PSD3: variants seen among roughly 807,000 people sequenced by gnomAD.
The protein encoded by PSD3 is PH and SEC7 domain-containing protein 3.
A neutral mutation model predicts 105.5 loss-of-function variants in PSD3; 49 were observed. The observed-to-expected ratio is 0.46, with a 90% confidence interval of 0.37 to 0.59. PSD3 has a LOEUF of 0.59. Ranked by LOEUF, PSD3 falls within the 20% of genes least tolerant of loss-of-function variation. The probability of loss-of-function intolerance (pLI) is 0.00; values close to 1 mark genes in which losing one functional copy is unlikely to be tolerated. For synonymous variants in PSD3, 557 were observed against 457.8 expected, an observed-to-expected ratio of 1.22 and a Z score of -2.77; for missense variants, 1,561 against 1,263.8, an observed-to-expected ratio of 1.24 and a Z score of -3.57.
rs10109054 is a variant in PSD3 at position 18,642,250 on chromosome 8, G to T, written c.2217-9444C>A. Among the ~76,000 whole-genome samples, 1,326 of 152,152 alleles carry T rather than the reference G, an allele frequency of 8.7e-3. 21 individuals carry two copies. The highest frequency in any genetic ancestry group is 0.031 in the African/African-American group (1,281 of 41,514). ...AGCCACATGTTAGGTATTCCCAAAA[G>T]ATCTATTGGAAAATTTTTAAGGGGC... On this transcript the variant is annotated intron_variant, in intron 10 of 15. Transcript: ENST00000327040.
At chr8:18,713,911 T>C (rs1464020947) in intron 9 of PSD3, among the ~76,000 whole-genome samples, 2 of 152,168 alleles carry the variant, frequency 1.3e-5, no homozygotes, top group Admixed American at 6.5e-5. Flanking sequence ...CAAAACAGTA[T>C]GGTACTGGTA....
intron 12 of PSD3, among the ~76,000 whole-genome samples, chr8:18,594,162 A>ATATATATATTATATAATATATATTAT: frequency 2.5e-5 from 1 of 39,544 alleles, no homozygotes; most frequent in Admixed American, 4.1e-4. Context: ...ATATATTATT[A>ATATATATATTATATAATATATATTAT]TATACATATT....
intron 14 of PSD3, among the ~76,000 whole-genome samples, chr8:18,561,474 G>A (rs1393827711): frequency 6.6e-6 from 1 of 152,050 alleles, no homozygotes; most frequent in African/African-American, 2.4e-5. Flanking sequence ...TGGGGGCAAG[G>A]GACTGGGGAC....
At chr8:18,970,352 A>G (rs1393520173) in intron 1 of PSD3, among the ~76,000 whole-genome samples, 2 of 148,918 alleles carry the variant, frequency 1.3e-5, no homozygotes, top group African/African-American at 2.5e-5. Context: ...AAAAAAACAA[A>G]GAAAAGAAAA....
chr8:18,638,594 C>A (rs1016779016), intron 10 of PSD3, among the ~76,000 whole-genome samples: 4 of 151,906 alleles, frequency 2.6e-5, no homozygotes, highest in South Asian at 2.1e-4. Flanking sequence ...AGGTGAAGAT[C>A]TGTGTACTGA....
intron 4 of PSD3, among the ~76,000 whole-genome samples, chr8:18,832,205 T>C (rs1008058993): frequency 6.6e-6 from 1 of 152,176 alleles, no homozygotes; most frequent in East Asian, 1.9e-4. Flanking sequence ...GCCCAGTGGA[T>C]GTATCACTGC....
At chr8:18,863,566 A>G (rs938589417) in intron 4 of PSD3, among the ~76,000 whole-genome samples, 5 of 152,190 alleles carry the variant, frequency 3.3e-5, no homozygotes, top group African/African-American at 1.2e-4. Flanking sequence ...GGGAGAATGC[A>G]TTAGGCTGGT....
intron 2 of PSD3, among the ~76,000 whole-genome samples, chr8:18,904,742 T>A (rs1819731255): frequency 6.6e-6 from 1 of 152,218 alleles, no homozygotes; most frequent in South Asian, 2.1e-4. Flanking sequence ...TACCTTAACC[T>A]TTCTGGGCCA....
At chr8:18,782,589 G>C (rs987485086) in intron 8 of PSD3, among the ~76,000 whole-genome samples, 1 of 152,184 alleles carries the variant, frequency 6.6e-6, no homozygotes, top group South Asian at 2.1e-4. Context: ...GCAGGATCTC[G>C]GTCAACACAC....
chr8:18,851,557 C>T (rs992264530), intron 4 of PSD3, among the ~76,000 whole-genome samples: 6 of 152,244 alleles, frequency 3.9e-5, no homozygotes, highest in African/African-American at 1.4e-4. Context: ...GGGTTAATCA[C>T]ATGTCCCACA....
intron 4 of PSD3, among the ~76,000 whole-genome samples, chr8:18,823,637 C>A (rs1812926928): frequency 6.6e-6 from 1 of 152,174 alleles, no homozygotes; most frequent in Non-Finnish European, 1.5e-5. Context: ...CTGTCACATG[C>A]TAGTCACTCC....
At chr8:18,953,197 A>C (rs926063722) in intron 1 of PSD3, among the ~76,000 whole-genome samples, 21 of 152,228 alleles carry the variant, frequency 1.4e-4, no homozygotes, top group Admixed American at 6.5e-5. Context: ...ATGATCAAAA[A>C]GACTGACAAT....
At chr8:18,581,422 T>G (rs940793159) in intron 12 of PSD3, among the ~76,000 whole-genome samples, 1 of 152,158 alleles carries the variant, frequency 6.6e-6, no homozygotes, top group Non-Finnish European at 1.5e-5. Context: ...AGGAGTGTGC[T>G]CTTACTTAGC....
At chr8:18,592,462 A>G (rs1449513259) in intron 12 of PSD3, among the ~76,000 whole-genome samples, 1 of 152,150 alleles carries the variant, frequency 6.6e-6, no homozygotes, top group Non-Finnish European at 1.5e-5. Flanking sequence ...TTTACCGAAC[A>G]CTTCTGAAAT....
intron 4 of PSD3, among the ~76,000 whole-genome samples, chr8:18,815,261 T>G (rs1250771124): frequency 6.6e-6 from 1 of 152,178 alleles, no homozygotes; most frequent in Non-Finnish European, 1.5e-5. Context: ...GTCCAAATTT[T>G]ACCATCTCTA....
At chr8:18,966,055 T>C (rs987759563) in intron 1 of PSD3, among the ~76,000 whole-genome samples, 2 of 152,220 alleles carry the variant, frequency 1.3e-5, no homozygotes, top group East Asian at 1.9e-4. Context: ...AAATCACCAA[T>C]GTGCTGTATA....
At chr8:18,577,083 C>T (rs1051654376) in intron 12 of PSD3, among the ~76,000 whole-genome samples, 2 of 151,932 alleles carry the variant, frequency 1.3e-5, no homozygotes, top group Non-Finnish European at 2.9e-5. Context: ...ATGGGTTACA[C>T]TGTGTAGCAG....
At chr8:18,841,482 A>T (rs920051617) in intron 4 of PSD3, among the ~76,000 whole-genome samples, 12 of 151,914 alleles carry the variant, frequency 7.9e-5, no homozygotes, top group African/African-American at 2.9e-4. Flanking sequence ...ACACACACAC[A>T]CACACACACA....
intron 4 of PSD3, among the ~76,000 whole-genome samples, chr8:18,833,758 C>G (rs975722957): frequency 6.6e-6 from 1 of 151,516 alleles, no homozygotes; most frequent in East Asian, 1.9e-4. Context: ...TTTAAAAGAT[C>G]TAGCACAATA....
Sources: allele counts gnomAD v4.1 joint callset (sites outside exome capture counted in the v4.1 genomes callset), GRCh38; gene constraint gnomAD v4.1.1; transcripts MANE v1.5; gene names NCBI Gene and HGNC (gene_info 2026-07-23, HGNC 2026-07-21).